Variants in CDH18 observed in about 807,000 individuals in gnomAD.
The protein encoded by CDH18 is cadherin 18.
A neutral mutation model predicts 67.9 loss-of-function variants in CDH18; 31 were observed. That is an observed-to-expected ratio of 0.46 (90% CI 0.34 to 0.62). CDH18 has a LOEUF of 0.62. Among genes scored for constraint, CDH18 ranks in the 20% least tolerant of loss-of-function variants. CDH18 has a pLI of 0.01. For missense variants in CDH18, 890 were observed against 975.5 expected (o/e 0.91, Z 1.17); for synonymous variants, 362 against 347.2 (o/e 1.04, Z -0.48).
At chr5:20,387,246 G>A (rs144729604) in intron 1 of CDH18, among the ~76,000 whole-genome samples, 3,144 of 152,222 alleles carry the variant, frequency 0.021, 54 homozygotes, top group Middle Eastern at 0.058. Flanking sequence ...ATTTCATTGA[G>A]CAGTGGTTTG....
chr5:20,495,267 A>G (rs1283235392), intron 1 of CDH18, among the ~76,000 whole-genome samples: 1 of 152,068 alleles, frequency 6.6e-6, no homozygotes. Flanking sequence ...TCTCTCTTAT[A>G]CTTAGATTAT....
chr5:20,086,209 G>A (rs1158711004), intron 2 of CDH18, among the ~76,000 whole-genome samples: 1 of 152,214 alleles, frequency 6.6e-6, no homozygotes, highest in Non-Finnish European at 1.5e-5. Context: ...GCCTAATCCA[G>A]TGCAAGACCC....
intron 2 of CDH18, among the ~76,000 whole-genome samples, chr5:20,051,336 T>C (rs780974226): frequency 1.3e-5 from 2 of 151,944 alleles, no homozygotes; most frequent in African/African-American, 2.4e-5. Context: ...TTCAATGTAA[T>C]TGTGATGATA....
At chr5:20,392,349 A>G (rs34926331) in intron 1 of CDH18, among the ~76,000 whole-genome samples, 66,657 of 151,704 alleles carry the variant, frequency 0.44, 16,988 homozygotes, top group Middle Eastern at 0.67. Context: ...ATAGAAAAAA[A>G]CTATTCATTT....
intron 2 of CDH18, among the ~76,000 whole-genome samples, chr5:19,925,367 T>C (rs1421987916): frequency 1.3e-5 from 2 of 152,214 alleles, no homozygotes; most frequent in Non-Finnish European, 1.5e-5. Flanking sequence ...TCAAGGTTTA[T>C]GGTATTGCAG....
chr5:19,970,201 T>C (rs1295717609), intron 2 of CDH18, among the ~76,000 whole-genome samples: 1 of 151,324 alleles, frequency 6.6e-6, no homozygotes, highest in Non-Finnish European at 1.5e-5. Context: ...AAGAAGCAAA[T>C]TCATCAATGA....
intron 1 of CDH18, among the ~76,000 whole-genome samples, chr5:20,420,841 G>A (rs1747804066): frequency 6.6e-6 from 1 of 151,118 alleles, no homozygotes; most frequent in Non-Finnish European, 1.5e-5. Flanking sequence ...TTGCCTGAAA[G>A]TAGTAAGTCA....
At chr5:20,386,575 T>C (rs561277637) in intron 1 of CDH18, among the ~76,000 whole-genome samples, 2 of 152,248 alleles carry the variant, frequency 1.3e-5, no homozygotes, top group African/African-American at 4.8e-5. Context: ...GAGGCATGCA[T>C]AACTTAAATA....
intron 2 of CDH18, among the ~76,000 whole-genome samples, chr5:20,250,647 G>A (rs1287991901): frequency 7.4e-6 from 1 of 134,804 alleles, no homozygotes; most frequent in Admixed American, 8.0e-5. Context: ...CTGTCGCCCA[G>A]GCTGGAGTGC....
chr5:20,320,006 T>G (rs902190500), intron 1 of CDH18, among the ~76,000 whole-genome samples: 1 of 152,168 alleles, frequency 6.6e-6, no homozygotes, highest in Non-Finnish European at 1.5e-5. Context: ...TTCCAAAGAC[T>G]CATTGCATTA....
At chr5:19,950,737 C>G (rs180764610) in intron 2 of CDH18, among the ~76,000 whole-genome samples, 94 of 152,110 alleles carry the variant, frequency 6.2e-4, no homozygotes, top group Non-Finnish European at 7.9e-4. Context: ...AACCTAACCA[C>G]AAATAGCTAT....
chr5:19,714,155 A>C (rs1237430377), intron 5 of CDH18, among the ~76,000 whole-genome samples: 1 of 152,150 alleles, frequency 6.6e-6, no homozygotes, highest in East Asian at 1.9e-4. Flanking sequence ...TAAATCCAGA[A>C]GATGATAAAG....
chr5:19,608,794 C>G (rs1323039155), intron 6 of CDH18, among the ~76,000 whole-genome samples: 6 of 151,652 alleles, frequency 4.0e-5, no homozygotes, highest in Admixed American at 4.0e-4. Context: ...CTGAAGCTCA[C>G]TTGTGGCTGC....
intron 1 of CDH18, among the ~76,000 whole-genome samples, chr5:20,496,913 A>T (rs1404424242): frequency 1.3e-5 from 2 of 152,136 alleles, no homozygotes; most frequent in Admixed American, 1.3e-4. Flanking sequence ...TTACAAAAAT[A>T]AAAATAAAAA....
At chr5:19,684,796 G>A (rs923667496) in intron 5 of CDH18, among the ~76,000 whole-genome samples, 2 of 152,046 alleles carry the variant, frequency 1.3e-5, no homozygotes, top group Non-Finnish European at 2.9e-5. Flanking sequence ...TCCCACAATT[G>A]AAGTTTCGAG....
chr5:20,377,881 C>T (rs1743589196), intron 1 of CDH18, among the ~76,000 whole-genome samples: 1 of 151,986 alleles, frequency 6.6e-6, no homozygotes, highest in Non-Finnish European at 1.5e-5. Context: ...ATTAACATTC[C>T]CAAAAGTTAC....
At chr5:19,810,333 AAAAAATAAAAT>A (rs200038226) in intron 3 of CDH18, among the ~76,000 whole-genome samples, 13,388 of 152,118 alleles carry the variant, frequency 0.088, 590 homozygotes, top group African/African-American at 0.1. Flanking sequence ...TCCGTCTCAA[AAAAAATAAAAT>A]AAAAATAAAA....
intron 2 of CDH18, among the ~76,000 whole-genome samples, chr5:19,919,790 A>T (rs1391754676): frequency 6.6e-6 from 1 of 152,210 alleles, no homozygotes; most frequent in Non-Finnish European, 1.5e-5. Flanking sequence ...ATAATATAAT[A>T]ATAAAGAGAA....
chr5:19,524,735 A>T (rs1245490736), intron 9 of CDH18, among the ~76,000 whole-genome samples: 1 of 151,840 alleles, frequency 6.6e-6, no homozygotes, highest in Non-Finnish European at 1.5e-5. Flanking sequence ...CTTGTTCCTG[A>T]GTAAGTAACT....
Sources: allele counts gnomAD v4.1 joint callset (sites outside exome capture counted in the v4.1 genomes callset), GRCh38; gene constraint gnomAD v4.1.1; transcripts MANE v1.5; gene names NCBI Gene and HGNC (gene_info 2026-07-23, HGNC 2026-07-21).